The following TXNRD2 variants were observed in gnomAD, a reference collection of about 807,000 sequenced individuals.
TXNRD2 encodes thioredoxin reductase 2, also known as thioredoxin reductase 2, mitochondrial.
TXNRD2 carries 67 observed loss-of-function variants against 70.8 expected under a neutral mutation model. The ratio of observed to expected loss-of-function variants is 0.95; its 90% CI spans 0.78 to 1.16. The LOEUF is 1.16. Among genes scored for constraint, TXNRD2 ranks in the 50% most tolerant of loss-of-function variants. The pLI, the probability that TXNRD2 is intolerant of heterozygous loss-of-function variation, is 0.00. For synonymous variants in TXNRD2, 301 were observed against 295.8 expected (o/e 1.02, Z -0.18); for missense variants, 644 against 719.9 (o/e 0.89, Z 1.21).
intron 8 of TXNRD2, among the ~76,000 whole-genome samples, chr22:19,900,314 A>G (rs1272119302): frequency 6.6e-6 from 1 of 152,090 alleles, no homozygotes; most frequent in African/African-American, 2.4e-5. Context: ...AACAGGCACC[A>G]CGGTATGCAC....
intron 8 of TXNRD2, among the ~76,000 whole-genome samples, chr22:19,907,247 AGT>A (rs2146004485): frequency 1.9e-5 from 1 of 53,968 alleles, no homozygotes; most frequent in Non-Finnish European, 3.5e-5. Flanking sequence ...CTCTCAGGAG[AGT>A]GTGGGCGCCG....
intron 12 of TXNRD2, 38 bp downstream of exon 12, chr22:19,883,287 C>G: frequency 6.2e-7 from 1 of 1,606,442 alleles, no homozygotes; most frequent in Non-Finnish European, 8.5e-7. Context: ...GTGGAGCAGG[C>G]AGGGGCAGGG....
Position 19,880,217 on chromosome 22 carries a change from C to A in TXNRD2, c.1237G>T (p.Glu413Ter). ...LEYGCVGLSE[E>*]EAVARHGQEH... ...TGCCCGTGGCGAGCCACTGCCTCCTCCTCGGACAGCCCCACACAGCCATAC... is the reference window on the plus strand; with the variant it reads ...TGCCCGTGGCGAGCCACTGCCTCCTACTCGGACAGCCCCACACAGCCATAC... The change falls in exon 14 of 18, where the codon GAG (glutamate) becomes TAG (stop). Residue 413 changes from glutamate to a stop codon, truncating the protein, a stop_gained. Coordinates refer to ENST00000400521, the MANE Select transcript of TXNRD2 (RefSeq NM_006440.5). LOFTEE classifies it high-confidence loss of function. 6.2e-7 allele frequency: 1 copy of A among 1,613,754 alleles called. No homozygotes were observed. Among genetic ancestry groups the A allele is most frequent in the Non-Finnish European group, 8.5e-7 (1 of 1,180,016 alleles).
intron 15 of TXNRD2, 49 bp downstream of exon 15, chr22:19,878,317 T>G: frequency 6.2e-7 from 1 of 1,607,956 alleles, no homozygotes; most frequent in Non-Finnish European, 8.5e-7. Context: ...CCAGGCTCTT[T>G]GCCACCCTCC....
intron 8 of TXNRD2, among the ~76,000 whole-genome samples, chr22:19,908,673 C>T (rs1422071844): frequency 6.6e-6 from 1 of 152,148 alleles, no homozygotes; most frequent in African/African-American, 2.4e-5. Flanking sequence ...GGTATTTGCA[C>T]ACCTATGTTC....
chr22:19,911,260 C>G, intron 8 of TXNRD2, 117 bp downstream of exon 8: 1 of 877,586 alleles, frequency 1.1e-6, no homozygotes, highest in South Asian at 1.4e-5. Context: ...TTTTTTCCTT[C>G]TTTTGGGTAA....
intron 10 of TXNRD2, among the ~76,000 whole-genome samples, chr22:19,897,420 G>A (rs1322041469): frequency 1.3e-5 from 2 of 152,188 alleles, no homozygotes; most frequent in East Asian, 1.9e-4. Flanking sequence ...TATTTTAACA[G>A]GAGACTTTCC....
In TXNRD2 at chr22:19,877,043, G is replaced by A. The variant is rs1421847635; in HGVS notation, c.*62C>T. ...AGAGCCAGCCCCACCTGCATACCTG[G>A]GTCTGGCCTCCGAGGAGCTGGCGGC... is the stretch of plus-strand genomic sequence containing the variant. On this transcript the variant is annotated 3_prime_UTR_variant, in exon 17 of 18. Transcript: ENST00000400521. 6.4e-7 allele frequency: 1 copy of A among 1,551,608 alleles called. No individual in the cohort carries two copies. Among genetic ancestry groups the A allele is most frequent in the Non-Finnish European group, 8.8e-7 (1 of 1,139,764 alleles).
intron 8 of TXNRD2, among the ~76,000 whole-genome samples, chr22:19,907,197 G>A (rs1378749804): frequency 5.2e-5 from 4 of 76,508 alleles, no homozygotes; most frequent in Non-Finnish European, 7.6e-5. Flanking sequence ...AGCAGTGACC[G>A]CTCTCAGGAG....
chr22:19,906,807 TCAGGAGAG>T (rs1940036464), intron 8 of TXNRD2, among the ~76,000 whole-genome samples: 1 of 150,236 alleles, frequency 6.7e-6, no homozygotes, highest in African/African-American at 2.5e-5. Context: ...CAGCACAGTC[TCAGGAGAG>T]TGTGGGCGCC....
At chr22:19,931,962 C>T (rs763604094) in intron 1 of TXNRD2, among the ~76,000 whole-genome samples, 2 of 151,792 alleles carry the variant, frequency 1.3e-5, no homozygotes, top group Non-Finnish European at 2.9e-5. Flanking sequence ...AGATCGAGAC[C>T]ATCCTGGCTA....
At chr22:19,886,240 A>G (rs560810039) in intron 11 of TXNRD2, among the ~76,000 whole-genome samples, 3 of 152,348 alleles carry the variant, frequency 2.0e-5, no homozygotes, top group African/African-American at 7.2e-5. Context: ...GAGTGGGTGC[A>G]GGGAAGAGGC....
At chr22:19,897,476 T>A (rs1939561180) in intron 10 of TXNRD2, among the ~76,000 whole-genome samples, 1 of 152,170 alleles carries the variant, frequency 6.6e-6, no homozygotes, top group Admixed American at 6.5e-5. Flanking sequence ...ATTGCTCCAA[T>A]CTAGGAGCTC....
At chr22:19,885,366 T>G (rs567908725) in intron 11 of TXNRD2, among the ~76,000 whole-genome samples, 318 of 152,330 alleles carry the variant, frequency 2.1e-3, no homozygotes, top group Non-Finnish European at 3.9e-3. Context: ...ATCTGGAAGC[T>G]GAAGCTCCCG....
Position 19,899,202 on chromosome 22 carries a change from C to T in TXNRD2, c.663-134G>A, listed in dbSNP as rs7292942. 1.2e-3 allele frequency: 1,371 copies of T among 1,174,836 alleles called. 9 individuals are homozygous for T. The African/African-American group carries it at 0.016, about 14-fold the overall frequency. 72.8% of individuals were successfully genotyped at this position (1,174,836 alleles called of 1,614,324 possible). ...GGCTCCAAGGTTACTGTTCAAACAG[C>T]TTGCCCCAGGGGACAAAGCCCACTT... On this transcript the variant is annotated intron_variant, in intron 8 of 17. Coordinates refer to ENST00000400521, the MANE Select transcript of TXNRD2 (RefSeq NM_006440.5).
intron 8 of TXNRD2, among the ~76,000 whole-genome samples, chr22:19,907,077 G>A (rs1285178301): frequency 1.2e-3 from 54 of 46,212 alleles, no homozygotes; most frequent in African/African-American, 4.5e-3. Flanking sequence ...TAGCAGTGAC[G>A]GCTCTCAGGA....
intron 11 of TXNRD2, among the ~76,000 whole-genome samples, chr22:19,888,721 C>T (rs1387232590): frequency 6.6e-6 from 1 of 152,134 alleles, no homozygotes; most frequent in African/African-American, 2.4e-5. Context: ...GGCCACCTGG[C>T]GACTGTCTCA....
intron 13 of TXNRD2, 136 bp from the exon 14 acceptor site, chr22:19,880,407 C>G (rs1938712794): frequency 1.0e-6 from 1 of 954,900 alleles, no homozygotes; most frequent in African/African-American, 1.6e-5. Context: ...CAGTAGGCGA[C>G]CCACCTGCCC....
At chr22:19,885,627 G>A (rs2145945151) in intron 11 of TXNRD2, among the ~76,000 whole-genome samples, 1 of 152,368 alleles carries the variant, frequency 6.6e-6, no homozygotes, top group African/African-American at 2.4e-5. Context: ...GGTCCCTGCA[G>A]GCCGGGGGCT....
Sources: gnomAD v4.1 joint callset for allele counts (sites outside exome capture counted in the v4.1 genomes callset) on GRCh38, gnomAD v4.1.1 for gene constraint, MANE v1.5 for transcripts, NCBI Gene and HGNC (gene_info 2026-07-23, HGNC 2026-07-21) for gene names.